Variants in MAP9 observed in about 807,000 individuals in gnomAD.
MAP9 encodes microtubule associated protein 9.
A neutral mutation model predicts 75.2 loss-of-function variants in MAP9; 80 were observed. The ratio of observed to expected loss-of-function variants is 1.06; its 90% CI spans 0.89 to 1.28. The LOEUF is 1.28. MAP9 is among the 50% of genes most tolerant of loss of function. The probability of loss-of-function intolerance (pLI) is 0.00; values close to 1 mark genes in which losing one functional copy is unlikely to be tolerated. For synonymous variants in MAP9, 235 were observed against 237.3 expected, an observed-to-expected ratio of 0.99 and a Z score of 0.09; for missense variants, 753 against 719.9, an observed-to-expected ratio of 1.05 and a Z score of -0.53.
intron 8 of MAP9, among the ~76,000 whole-genome samples, chr4:155,356,724 T>C (rs1336989832): frequency 6.6e-6 from 1 of 152,174 alleles, no homozygotes; most frequent in Non-Finnish European, 1.5e-5. Flanking sequence ...CTGTGGCTGC[T>C]TTCCTGTTAA....
At chr4:155,369,347 A>AAAC (rs1385338127) in intron 4 of MAP9, among the ~76,000 whole-genome samples, 1 of 147,300 alleles carries the variant, frequency 6.8e-6, no homozygotes, top group Non-Finnish European at 1.5e-5. Context: ...AAAAAAAACC[A>AAAC]AACAACAACA....
rs1560803208 is a variant in MAP9, at chr4:155,352,731, A to G, written c.1689-3T>C. 2 of 1,543,716 alleles carry G rather than the reference A, an allele frequency of 1.3e-6. No individual in the cohort carries two copies. Among genetic ancestry groups the G allele is most frequent in the Non-Finnish European group, 8.8e-7 (1 of 1,138,014 alleles). On this transcript the variant is annotated splice_region_variant and splice_polypyrimidine_tract_variant and intron_variant, in intron 12 of 13. Coordinates refer to ENST00000311277, the MANE Select transcript of MAP9 (RefSeq NM_001039580.2). ...AAAAAGCTTCCTTTTTTTCATTCCT[A>G]TAGAGCATAGTATAAAACACTGGAG...
chr4:155,353,358 A>G lies in MAP9; in HGVS notation c.1381-18T>C. The G allele has an allele frequency of 1.3e-6, 2 of 1,544,276 alleles. No individual in the cohort carries two copies. The highest frequency in any genetic ancestry group is 1.7e-6 in the Non-Finnish European group (2 of 1,155,738). On this transcript the variant is annotated intron_variant, in intron 10 of 13. Transcript: ENST00000311277. ...GCTTTTTTCTACAGTGGAAAAAATAATAGAGTGATATACATATATATGTAT... is the reference window on the plus strand; with the variant it reads ...GCTTTTTTCTACAGTGGAAAAAATAGTAGAGTGATATACATATATATGTAT...
intron 5 of MAP9, among the ~76,000 whole-genome samples, chr4:155,363,948 T>A (rs1029858497): frequency 2.6e-5 from 4 of 152,044 alleles, no homozygotes; most frequent in African/African-American, 9.7e-5. Flanking sequence ...AATAACAATC[T>A]TCCCATTTCA....
intron 4 of MAP9, among the ~76,000 whole-genome samples, chr4:155,372,504 C>A (rs1387596835): frequency 6.6e-6 from 1 of 151,714 alleles, no homozygotes; most frequent in Non-Finnish European, 1.5e-5. Flanking sequence ...GTGGGCAGAA[C>A]TAACTGTAAT....
chr4:155,366,810 C>A (rs936066470), intron 5 of MAP9, among the ~76,000 whole-genome samples: 13 of 152,082 alleles, frequency 8.5e-5, no homozygotes, highest in African/African-American at 2.9e-4. Flanking sequence ...AATGTAATGC[C>A]AAAGATGTCT....
chr4:155,347,680 A>T lies in MAP9; in HGVS notation c.*103T>A. Reference sequence around the variant, plus strand: ...TTGTCAGCAGGAGTGTCTGGCATTTAATTAAAATATATTCCTCTAACTATA... The same window carrying T: ...TTGTCAGCAGGAGTGTCTGGCATTTTATTAAAATATATTCCTCTAACTATA... On this transcript the variant is annotated 3_prime_UTR_variant, in exon 14 of 14. Transcript: ENST00000311277. 1 of 1,126,134 alleles carries T rather than the reference A, an allele frequency of 8.9e-7. No individual in the cohort carries two copies. The highest frequency in any genetic ancestry group is 1.2e-6 in the Non-Finnish European group (1 of 817,580). 69.8% of individuals were successfully genotyped at this position (1,126,134 alleles called of 1,614,324 possible).
intron 13 of MAP9, among the ~76,000 whole-genome samples, chr4:155,350,741 AAC>A (rs1731477291): frequency 6.6e-6 from 1 of 151,956 alleles, no homozygotes. Context: ...TACTAAACTC[AAC>A]ACACAGAGTA....
intron 5 of MAP9, among the ~76,000 whole-genome samples, chr4:155,366,591 C>T (rs530790652): frequency 2.8e-4 from 43 of 152,004 alleles, no homozygotes; most frequent in African/African-American, 8.0e-4. Flanking sequence ...AGATTTAGCA[C>T]GAAAGACACA....
chr4:155,373,732 C>T lies in MAP9; in HGVS notation c.161-276G>A, dbSNP rs181508991. Among the ~76,000 whole-genome samples the T allele has an allele frequency of 2.3e-3, 347 of 152,254 alleles. 2 individuals carry two copies. The highest frequency in any genetic ancestry group is 3.5e-3 in the Non-Finnish European group (235 of 68,004). ...GTACCAAACAACCAAACACTGTTTGCTCTGGAAAAAGCCATCCAAAGGTCC... is the reference window on the plus strand; with the variant it reads ...GTACCAAACAACCAAACACTGTTTGTTCTGGAAAAAGCCATCCAAAGGTCC... On this transcript the variant is annotated intron_variant, in intron 3 of 13. Coordinates refer to ENST00000311277, the MANE Select transcript of MAP9 (RefSeq NM_001039580.2).
Position 155,355,145 on chromosome 4 carries a change from T to A in MAP9, c.1306A>T (p.Lys436Ter), listed in dbSNP as rs781650334. The A allele has an allele frequency of 7.7e-7, 1 of 1,295,810 alleles. No individual in the cohort carries two copies. Among genetic ancestry groups the A allele is most frequent in the Non-Finnish European group, 1.1e-6 (1 of 942,534 alleles). 80.3% of individuals were successfully genotyped at this position (1,295,810 alleles called of 1,614,324 possible). Reference protein sequence around the residue: ...AAVYQEWLEKKNVYLHEMHRI... With the variant: ...AAVYQEWLEK ...TGCATTTCATGTAAATACACATTTT[T>A]CTTTTCTAACCACTCCTATAAGAAC... Residue 436 changes from lysine to a stop codon, truncating the protein, a stop_gained, in exon 10 of 14, where the codon AAA becomes TAA. Transcript: ENST00000311277. LOFTEE classifies it high-confidence loss of function.
rs1241425281 is a variant in MAP9, at chr4:155,353,005, C to A, written c.1595G>T (p.Arg532Ile). ...KKMEYLKEKN[R>I]KEREYERAKK... Reference sequence around the variant, plus strand: ...TGCTCTTTCATATTCTCTCTCCTTTCTATTTTTCTCTTTAAGATATTCCAT... The same window carrying A: ...TGCTCTTTCATATTCTCTCTCCTTTATATTTTTCTCTTTAAGATATTCCAT... Residue 532 changes from arginine to isoleucine, a missense_variant, in exon 12 of 14, where the codon AGA (arginine) becomes ATA (isoleucine). Arg to Ile is a moderately conservative substitution (Grantham distance 97). Coordinates refer to ENST00000311277, the MANE Select transcript of MAP9 (RefSeq NM_001039580.2). 1.3e-6 allele frequency: 2 copies of A among 1,541,266 alleles called. No individual in the cohort carries two copies. Among genetic ancestry groups the A allele is most frequent in the Admixed American group, 1.9e-5 (1 of 53,540 alleles).
At chr4:155,369,093 T>A (rs2111270349) in intron 4 of MAP9, among the ~76,000 whole-genome samples, 1 of 151,838 alleles carries the variant, frequency 6.6e-6, no homozygotes, top group East Asian at 1.9e-4. Context: ...GAGGCCGAGG[T>A]GGGCAGATCA....
intron 6 of MAP9, chr4:155,361,219 C>T (rs1732064827): frequency 1.3e-5 from 2 of 151,978 alleles, no homozygotes; most frequent in Admixed American, 6.6e-5. Context: ...GGCTTAAAAT[C>T]ACTCAATTCA....
intron 5 of MAP9, among the ~76,000 whole-genome samples, chr4:155,364,994 CAG>C (rs1205187951): frequency 6.6e-6 from 1 of 151,714 alleles, no homozygotes; most frequent in Non-Finnish European, 1.5e-5. Flanking sequence ...TTTTAAAAAA[CAG>C]ATAAATAGAA....
chr4:155,361,483 T>G (rs896544031), intron 6 of MAP9, among the ~76,000 whole-genome samples: 1 of 152,054 alleles, frequency 6.6e-6, no homozygotes, highest in Admixed American at 6.6e-5. Context: ...GAAAAGAAAT[T>G]ATGTTAACAA....
At chr4:155,355,301 CTT>C in intron 9 of MAP9, 141 bp from the exon 10 acceptor site, 2 of 365,814 alleles carry the variant, frequency 5.5e-6, no homozygotes, top group South Asian at 1.1e-4. Context: ...CAAAAAAAGA[CTT>C]TTAGAATTGT....
Position 155,360,266 on chromosome 4 carries a change from T to C in MAP9, c.952A>G (p.Lys318Glu). ...TCATCATCCATAATCAGTTCCGCTT[T>C]TGCCTTTTCTTCTTCAAGGTCATCA... ...TADDLEEEKAKAELIMDDDRT... is the reference protein window; with the variant it reads ...TADDLEEEKAEAELIMDDDRT... Residue 318 changes from lysine (K) to glutamate (E), a missense_variant, in exon 7 of 14, where the codon AAA (lysine) becomes GAA (glutamate). Coordinates refer to ENST00000311277, the MANE Select transcript of MAP9 (RefSeq NM_001039580.2). The C allele has an allele frequency of 1.9e-6, 3 of 1,613,300 alleles. No homozygotes were observed. The highest frequency in any genetic ancestry group is 2.5e-6 in the Non-Finnish European group (3 of 1,179,446).
At position 155,368,649 on chromosome 4, in the gene MAP9, T is replaced by C; in HGVS notation, c.645A>G (p.Pro215=). 6.2e-7 allele frequency: 1 copy of C among 1,614,234 alleles called. No individual in the cohort carries two copies. The highest frequency in any genetic ancestry group is 8.5e-7 in the Non-Finnish European group (1 of 1,180,038). ...LELHSAPSSL[P]TPNGIQLEAE... ...CTTCTAATTGTATGCCATTCGGCGT[T>C]GGAAGGGAAGAAGGTGCAGAATGTA... The change falls in exon 5 of 14, where the codon CCA becomes CCG. Residue 215 remains proline (P), a synonymous_variant. Coordinates refer to ENST00000311277, the MANE Select transcript of MAP9 (RefSeq NM_001039580.2).
Sources: gnomAD v4.1 joint callset for allele counts (sites outside exome capture counted in the v4.1 genomes callset) on GRCh38, gnomAD v4.1.1 for gene constraint, MANE v1.5 for transcripts, NCBI Gene and HGNC (gene_info 2026-07-23, HGNC 2026-07-21) for gene names.